Variants in VPS13D observed in about 807,000 individuals in gnomAD.
VPS13D encodes intermembrane lipid transfer protein VPS13D.
Under a neutral mutation model 461.9 loss-of-function variants are expected in VPS13D, and 187 were observed. The observed-to-expected ratio is 0.40, with a 90% CI of 0.36 to 0.46. The LOEUF (loss-of-function observed/expected upper bound fraction) is 0.46, where lower values mean the gene tolerates loss of function less well. VPS13D is among the 20% of genes least tolerant of loss of function. The probability of loss-of-function intolerance (pLI) is 0.60; values close to 1 mark genes in which losing one functional copy is unlikely to be tolerated. For missense variants in VPS13D, 4,711 were observed against 5,364.9 expected (o/e 0.88, Z 3.81); for synonymous variants, 1,951 against 1,986.3 (o/e 0.98, Z 0.47).
At chr1:12,286,421 T>C (rs1255315973) in intron 21 of VPS13D, among the ~76,000 whole-genome samples, 3 of 152,194 alleles carry the variant, frequency 2.0e-5, no homozygotes, top group Non-Finnish European at 4.4e-5. Flanking sequence ...TAAGGTTCCA[T>C]GTTACATTTG....
chr1:12,288,716 A>G (rs1642043673), intron 22 of VPS13D, among the ~76,000 whole-genome samples: 1 of 151,724 alleles, frequency 6.6e-6, no homozygotes, highest in African/African-American at 2.4e-5. Flanking sequence ...CCCCTAGAAA[A>G]CGGGCATACA....
At position 12,300,351 on chromosome 1, in the gene VPS13D, G is replaced by A. The variant is rs533975314; in HGVS notation, c.6216+967G>A. Among the ~76,000 whole-genome samples the A allele has an allele frequency of 2.0e-5, 3 of 151,876 alleles. No individual in the cohort carries two copies. The South Asian group carries it at 6.2e-4, about 32-fold the overall frequency. ...GCCTCCCGATTAGCTGAGATTACAG[G>A]TACCAACCACCACACCCAGCGAGTT... is the stretch of plus-strand genomic sequence containing the variant. On this transcript the variant is annotated intron_variant, in intron 25 of 69. Coordinates refer to ENST00000620676, the MANE Select transcript of VPS13D (RefSeq NM_015378.4).
In VPS13D at chr1:12,507,218, C is replaced by T. The variant is rs765711038; in HGVS notation, c.13035+125C>T. 3 of 1,540,420 alleles carry T rather than the reference C, an allele frequency of 1.9e-6. No homozygotes were observed. Among genetic ancestry groups the T allele is most frequent in the Non-Finnish European group, 2.7e-6 (3 of 1,122,730 alleles). On this transcript the variant is annotated intron_variant, in intron 69 of 69. Transcript: ENST00000620676. The surrounding 1 kb of genome is among the most constrained non-coding windows in gnomAD (Gnocchi z 5.3). ...TGAGGCTGGGCCCTTCCCAGGAGTG[C>T]TGCCTCTCAGTCCTGAACATGGGAG...
Position 12,311,807 on chromosome 1 carries a change from T to C in VPS13D, c.6823-6T>C, listed in dbSNP as rs932467895. The C allele has an allele frequency of 4.3e-6, 7 of 1,612,306 alleles. No homozygotes were observed. The highest frequency in any genetic ancestry group is 5.9e-6 in the Non-Finnish European group (7 of 1,179,060). On this transcript the variant is annotated splice_polypyrimidine_tract_variant and splice_region_variant and intron_variant, in intron 28 of 69. Transcript: ENST00000620676. ...CTGTGGATTGACGAGCATTTTCCTTTTGTAGACTGTCCTGAGTGGAGAAGT... is the reference window on the plus strand; with the variant it reads ...CTGTGGATTGACGAGCATTTTCCTTCTGTAGACTGTCCTGAGTGGAGAAGT...
intron 27 of VPS13D, among the ~76,000 whole-genome samples, chr1:12,309,299 C>G (rs1476186475): frequency 1.3e-5 from 2 of 150,914 alleles, no homozygotes; most frequent in Admixed American, 6.6e-5. Flanking sequence ...CAACCTCCAC[C>G]TCCCGGGTTC....
intron 60 of VPS13D, among the ~76,000 whole-genome samples, chr1:12,397,040 C>T (rs765349303): frequency 6.6e-6 from 1 of 152,108 alleles, no homozygotes; most frequent in African/African-American, 2.4e-5. Context: ...TTCAAGTGAT[C>T]CTCCAGCTTC....
intron 27 of VPS13D, among the ~76,000 whole-genome samples, chr1:12,310,404 A>G (rs1035477653): frequency 2.6e-5 from 4 of 152,208 alleles, no homozygotes; most frequent in African/African-American, 9.6e-5. Flanking sequence ...TACTTAGAGC[A>G]TAGTGTCTGT....
In VPS13D at chr1:12,288,164, C is replaced by G. The variant is rs532117816; in HGVS notation, c.5635-59C>G. The G allele has an allele frequency of 2.7e-6, 4 of 1,462,654 alleles. No individual in the cohort carries two copies. The Admixed American group carries it at 5.1e-5, about 19-fold the overall frequency. The allele number at this position is 1,462,654 out of a possible 1,614,324, so 90.6% of individuals were successfully genotyped here. ...TTTCCTTGATTGCTCTGCCGTTTTC[C>G]TGAAAGATACCTTTTCTCCCCAGTA... On this transcript the variant is annotated intron_variant, in intron 21 of 69. Transcript: ENST00000620676.
chr1:12,433,092 T>C (rs1028605996), intron 65 of VPS13D, among the ~76,000 whole-genome samples: 22 of 152,116 alleles, frequency 1.4e-4, no homozygotes, highest in African/African-American at 5.3e-4. Flanking sequence ...TGCACAGGCA[T>C]GTGGCAGAAT....
chr1:12,492,555 A>G (rs1339391402), intron 67 of VPS13D, among the ~76,000 whole-genome samples: 2 of 152,262 alleles, frequency 1.3e-5, no homozygotes, highest in African/African-American at 4.8e-5. Context: ...CCTCATTGGC[A>G]GGAATGTAAA....
chr1:12,372,800 C>CT (rs764284126), intron 54 of VPS13D, among the ~76,000 whole-genome samples: 5,722 of 126,726 alleles, frequency 0.045, 225 homozygotes, highest in African/African-American at 0.11. Flanking sequence ...AATCCATTAC[C>CT]TTTTTTTTTT....
intron 7 of VPS13D, among the ~76,000 whole-genome samples, chr1:12,255,087 AG>A (rs1640872859): frequency 6.6e-6 from 1 of 151,756 alleles, no homozygotes; most frequent in African/African-American, 2.4e-5. Context: ...CTGGGATTAC[AG>A]GTGCATGCCA....
At position 12,313,237 on chromosome 1, in the gene VPS13D, G is replaced by A. The variant is rs138758165; in HGVS notation, c.6936-878G>A. On this transcript the variant is annotated intron_variant, in intron 29 of 69. Transcript: ENST00000620676. Reference sequence around the variant, plus strand: ...TGTACCTAACTCAGCTGGTGAGAGCGTTGCATACTGAAACTGTGGTCCCAC... The same window carrying A: ...TGTACCTAACTCAGCTGGTGAGAGCATTGCATACTGAAACTGTGGTCCCAC... 1.7e-3 allele frequency among the ~76,000 whole-genome samples: 251 copies of A among 150,478 alleles called. 3 individuals are homozygous for A. In the Middle Eastern group the frequency reaches 0.021, roughly 13 times the overall value.
Position 12,415,189 on chromosome 1 carries a change from A to G in VPS13D, c.12133A>G (p.Ile4045Val). The G allele has an allele frequency of 3.7e-6, 6 of 1,614,138 alleles. No individual in the cohort carries two copies. The highest frequency in any genetic ancestry group is 5.1e-6 in the Non-Finnish European group (6 of 1,180,004). Residue 4045 changes from isoleucine (I) to valine (V), a missense_variant, in exon 64 of 70, where the codon ATC becomes GTC. Transcript: ENST00000620676. ...ACATCCCTATGAGACCAAGGAGTTCATCATCAATGATATCCTCAAACATTT... is the reference window on the plus strand; with the variant it reads ...ACATCCCTATGAGACCAAGGAGTTCGTCATCAATGATATCCTCAAACATTT... ...RVHPYETKEF[I>V]INDILKHFQE...
chr1:12,248,249 A>G lies in VPS13D; in HGVS notation c.448-974A>G, dbSNP rs78760385. ...TATTGTTGAGTTATAAGAGCTCTCT[A>G]TATATTCTGAATACCAGATTCTTAT... On this transcript the variant is annotated intron_variant, in intron 5 of 69. Transcript: ENST00000620676. 1.9e-3 allele frequency among the ~76,000 whole-genome samples: 282 copies of G among 152,128 alleles called. 1 individual carries two copies. Among genetic ancestry groups the G allele is most frequent in the African/African-American group, 6.2e-3 (258 of 41,480 alleles).
At chr1:12,358,427 A>C (rs1643906073) in intron 49 of VPS13D, 32 bp from the exon 50 acceptor site, 2 of 1,611,660 alleles carry the variant, frequency 1.2e-6, no homozygotes, top group Non-Finnish European at 1.7e-6. Flanking sequence ...CTTGTGGATG[A>C]ATATCTACAT....
intron 65 of VPS13D, among the ~76,000 whole-genome samples, chr1:12,427,484 C>T (rs1356176910): frequency 1.3e-5 from 2 of 149,224 alleles, no homozygotes; most frequent in African/African-American, 4.9e-5. Context: ...AGATCAAAAC[C>T]GAAAAAAAAA....
At chr1:12,278,724 T>G (rs2101368351) in intron 19 of VPS13D, among the ~76,000 whole-genome samples, 1 of 152,368 alleles carries the variant, frequency 6.6e-6, no homozygotes, top group African/African-American at 2.4e-5. Flanking sequence ...CCTTCCTAGT[T>G]AAACATTTTA....
At chr1:12,306,333 G>T (rs892653605) in intron 26 of VPS13D, among the ~76,000 whole-genome samples, 7 of 152,190 alleles carry the variant, frequency 4.6e-5, no homozygotes, top group African/African-American at 1.7e-4. Context: ...AATTTTGGCA[G>T]TCTGACTCCA....
Sources: gnomAD v4.1 joint callset for allele counts (sites outside exome capture counted in the v4.1 genomes callset) on GRCh38, gnomAD v4.1.1 for gene constraint, Gnocchi (gnomAD v3.1) non-coding constraint, MANE v1.5 for transcripts, NCBI Gene and HGNC (gene_info 2026-07-23, HGNC 2026-07-21) for gene names.